The following UBE2H variants were observed in gnomAD, a reference collection of about 807,000 sequenced individuals.
UBE2H encodes ubiquitin-conjugating enzyme E2 H.
In UBE2H, 3 loss-of-function variants were observed where a neutral mutation model predicts 29.0. The observed-to-expected ratio is 0.10, with a 90% CI of 0.05 to 0.27. The LOEUF is 0.27. Among genes scored for constraint, UBE2H ranks in the 10% least tolerant of loss-of-function variants. UBE2H has a pLI of 1.00. For synonymous variants in UBE2H, 69 were observed against 82.9 expected (o/e 0.83, Z 0.91); for missense variants, 68 against 228.2 (o/e 0.30, Z 4.52).
chr7:129,837,439 C>A (rs960098852), intron 6 of UBE2H, among the ~76,000 whole-genome samples: 2 of 151,960 alleles, frequency 1.3e-5, no homozygotes, highest in African/African-American at 4.8e-5. Context: ...AATGAGGGCA[C>A]AGATTAAGCA....
intron 3 of UBE2H, among the ~76,000 whole-genome samples, chr7:129,873,074 C>T (rs1481904259): frequency 1.3e-5 from 2 of 150,038 alleles, no homozygotes; most frequent in African/African-American, 4.9e-5. Context: ...GGCTGGAGTG[C>T]CGTGGCGCGA....
intron 3 of UBE2H, among the ~76,000 whole-genome samples, chr7:129,861,682 A>C (rs1259365904): frequency 1.3e-5 from 2 of 152,216 alleles, no homozygotes; most frequent in African/African-American, 4.8e-5. Context: ...ACTTGATGTC[A>C]GGAGTTTGAG....
intron 6 of UBE2H, among the ~76,000 whole-genome samples, chr7:129,838,007 A>G (rs144337783): frequency 2.2e-4 from 33 of 152,320 alleles, no homozygotes; most frequent in African/African-American, 7.7e-4. Context: ...CTGCTCCAAG[A>G]TATCTGTGGT....
At chr7:129,902,328 G>A (rs1411473677) in intron 1 of UBE2H, among the ~76,000 whole-genome samples, 6 of 152,026 alleles carry the variant, frequency 3.9e-5, no homozygotes, top group African/African-American at 1.2e-4. Flanking sequence ...GCAAAACCCC[G>A]TCTCTACTAA....
In UBE2H at chr7:129,830,895, A is replaced by G. The variant is rs1482693370; in HGVS notation, c.*4042T>C. On this transcript the variant is annotated 3_prime_UTR_variant, in exon 7 of 7. Coordinates refer to ENST00000355621, the MANE Select transcript of UBE2H (RefSeq NM_003344.4). ...GTGGAAGGGAGGAGACAGGGCGAGG[A>G]AAAATAAGCGATAAAAAGCTTCAGA... 1 of 150,118 alleles carries G rather than the reference A, an allele frequency of 6.7e-6. No homozygotes were observed. Among genetic ancestry groups the G allele is most frequent in the African/African-American group, 2.5e-5 (1 of 40,564 alleles). 9.3% of individuals were successfully genotyped at this position (150,118 alleles called of 1,614,324 possible).
At chr7:129,895,192 G>A (rs1806575029) in intron 1 of UBE2H, among the ~76,000 whole-genome samples, 1 of 152,156 alleles carries the variant, frequency 6.6e-6, no homozygotes, top group Admixed American at 6.5e-5. Flanking sequence ...GACATGCTGT[G>A]CAGAAGTCCC....
At chr7:129,890,449 G>A (rs184032302) in intron 1 of UBE2H, among the ~76,000 whole-genome samples, 12 of 151,370 alleles carry the variant, frequency 7.9e-5, no homozygotes, top group Non-Finnish European at 1.3e-4. Flanking sequence ...GTGTGGTCTC[G>A]GCTCCCTACA....
chr7:129,851,011 A>T (rs563034539), intron 5 of UBE2H, among the ~76,000 whole-genome samples: 9 of 152,326 alleles, frequency 5.9e-5, no homozygotes, highest in Admixed American at 2.6e-4. Flanking sequence ...CTACCAGGCC[A>T]CCAAACTGAG....
At chr7:129,850,890 A>G (rs576775409) in intron 5 of UBE2H, among the ~76,000 whole-genome samples, 1 of 151,696 alleles carries the variant, frequency 6.6e-6, no homozygotes, top group East Asian at 1.9e-4. Context: ...GAGAGAAAGG[A>G]GAGAGAGAGA....
chr7:129,938,692 G>T (rs1807581445), intron 1 of UBE2H, among the ~76,000 whole-genome samples: 1 of 147,694 alleles, frequency 6.8e-6, no homozygotes. Flanking sequence ...GGCGCCAAGA[G>T]CAAAACTTCG....
intron 5 of UBE2H, among the ~76,000 whole-genome samples, chr7:129,851,851 G>T (rs923231): frequency 0.054 from 8,294 of 152,266 alleles, 254 homozygotes; most frequent in South Asian, 0.13. Context: ...CTCATCTGAA[G>T]ATTTCCAAGC....
At chr7:129,893,544 G>A (rs1406724089) in intron 1 of UBE2H, among the ~76,000 whole-genome samples, 1 of 152,148 alleles carries the variant, frequency 6.6e-6, no homozygotes, top group Non-Finnish European at 1.5e-5. Context: ...AGAGAGAAAA[G>A]TGAAGGGAAA....
intron 4 of UBE2H, 58 bp from the exon 5 acceptor site, chr7:129,857,621 T>C: frequency 6.5e-7 from 1 of 1,544,144 alleles, no homozygotes; most frequent in Non-Finnish European, 8.8e-7. Flanking sequence ...GTTGCATGTA[T>C]CTGGCAACTA....
intron 1 of UBE2H, among the ~76,000 whole-genome samples, chr7:129,948,106 C>G (rs527746549): frequency 6.6e-6 from 1 of 151,894 alleles, no homozygotes; most frequent in Non-Finnish European, 1.5e-5. Context: ...GTGATCTGCC[C>G]GCCTTGGCCT....
intron 1 of UBE2H, among the ~76,000 whole-genome samples, chr7:129,890,799 G>A (rs1438743117): frequency 6.6e-6 from 1 of 152,096 alleles, no homozygotes. Context: ...TAAACCAAGT[G>A]GCAATATATT....
At chr7:129,842,245 A>C (rs563491668) in intron 5 of UBE2H, among the ~76,000 whole-genome samples, 9 of 152,378 alleles carry the variant, frequency 5.9e-5, no homozygotes, top group Admixed American at 2.6e-4. Context: ...AGCCTGGCCA[A>C]CATGGCAAAA....
At chr7:129,919,558 A>C (rs893810576) in intron 1 of UBE2H, among the ~76,000 whole-genome samples, 9 of 152,126 alleles carry the variant, frequency 5.9e-5, no homozygotes, top group African/African-American at 2.2e-4. Flanking sequence ...CTCCACCCGG[A>C]ATGCCCCTCA....
intron 1 of UBE2H, among the ~76,000 whole-genome samples, chr7:129,935,068 A>G (rs994189327): frequency 3.3e-5 from 5 of 151,718 alleles, no homozygotes; most frequent in Non-Finnish European, 5.9e-5. Context: ...AAAAATAAAC[A>G]TATGTATATA....
At chr7:129,939,140 T>C (rs1807592377) in intron 1 of UBE2H, among the ~76,000 whole-genome samples, 1 of 152,212 alleles carries the variant, frequency 6.6e-6, no homozygotes, top group African/African-American at 2.4e-5. Flanking sequence ...AATTCACAGC[T>C]GTGAGAACCA....
Sources: gnomAD v4.1 joint callset for allele counts (sites outside exome capture counted in the v4.1 genomes callset) on GRCh38, gnomAD v4.1.1 for gene constraint, MANE v1.5 for transcripts, NCBI Gene and HGNC (gene_info 2026-07-23, HGNC 2026-07-21) for gene names.